The following RANBP17 variants were observed in gnomAD, a reference collection of about 807,000 sequenced individuals.
RANBP17 encodes ran-binding protein 17.
In RANBP17, 158 loss-of-function variants were observed where a neutral mutation model predicts 141.2. The ratio of observed to expected loss-of-function variants is 1.12; its 90% CI spans 0.98 to 1.28. RANBP17 has a LOEUF of 1.28. Among genes scored for constraint, RANBP17 ranks in the 50% most tolerant of loss-of-function variants. RANBP17 has a pLI of 0.00. For missense variants in RANBP17, 1,438 were observed against 1,290.7 expected (o/e 1.11, Z -1.75); for synonymous variants, 430 against 450.0 (o/e 0.96, Z 0.56).
intron 14 of RANBP17, among the ~76,000 whole-genome samples, chr5:170,990,155 T>C (rs1778408034): frequency 6.6e-6 from 1 of 151,838 alleles, no homozygotes; most frequent in Non-Finnish European, 1.5e-5. Flanking sequence ...TGAATAAAAA[T>C]TTAAAAATAT....
chr5:171,134,356 G>A (rs963641563), intron 14 of RANBP17, among the ~76,000 whole-genome samples: 5 of 152,046 alleles, frequency 3.3e-5, no homozygotes, highest in African/African-American at 1.2e-4. Flanking sequence ...TCTTTCAGAG[G>A]GATCAAATAT....
intron 14 of RANBP17, among the ~76,000 whole-genome samples, chr5:171,026,514 A>C (rs1378853699): frequency 6.6e-6 from 1 of 152,102 alleles, no homozygotes; most frequent in Non-Finnish European, 1.5e-5. Flanking sequence ...CATTCCTTTA[A>C]CAGAAGAGTT....
intron 22 of RANBP17, among the ~76,000 whole-genome samples, chr5:171,224,685 T>TG (rs946310097): frequency 1.3e-5 from 2 of 151,302 alleles, no homozygotes; most frequent in Non-Finnish European, 3.0e-5. Context: ...TGAAGTGGAG[T>TG]GGGGGAAGAG....
intron 14 of RANBP17, among the ~76,000 whole-genome samples, chr5:171,006,028 A>T (rs989709425): frequency 6.6e-6 from 1 of 152,162 alleles, no homozygotes; most frequent in African/African-American, 2.4e-5. Flanking sequence ...GAGAAATGCA[A>T]ATCAAAACCA....
chr5:170,978,909 G>C (rs575713606), intron 14 of RANBP17, among the ~76,000 whole-genome samples: 2 of 152,080 alleles, frequency 1.3e-5, no homozygotes, highest in Non-Finnish European at 2.9e-5. Context: ...TAAAAAAGTG[G>C]AAACTTGCCT....
At chr5:170,912,132 A>C (rs926411402) in intron 7 of RANBP17, among the ~76,000 whole-genome samples, 1 of 151,940 alleles carries the variant, frequency 6.6e-6, no homozygotes, top group Non-Finnish European at 1.5e-5. Flanking sequence ...TCTAATATGG[A>C]GATCAGAGAC....
intron 14 of RANBP17, among the ~76,000 whole-genome samples, chr5:171,022,484 C>T (rs1780935720): frequency 6.6e-6 from 1 of 152,224 alleles, no homozygotes; most frequent in Non-Finnish European, 1.5e-5. Flanking sequence ...CCCTGACCCT[C>T]TGGCTGGAGT....
At chr5:170,874,653 C>G (rs1581024272) in intron 1 of RANBP17, among the ~76,000 whole-genome samples, 2 of 148,384 alleles carry the variant, frequency 1.3e-5, no homozygotes, top group African/African-American at 4.9e-5. Context: ...TTAACCCCTG[C>G]TTTTTTTTTT....
intron 14 of RANBP17, among the ~76,000 whole-genome samples, chr5:170,972,255 C>CA (rs1777042661): frequency 6.9e-6 from 1 of 145,162 alleles, no homozygotes; most frequent in Non-Finnish European, 1.5e-5. Flanking sequence ...CATCTTGACT[C>CA]ACTGCAACCT....
chr5:170,976,377 A>C (rs1777382105), intron 14 of RANBP17, among the ~76,000 whole-genome samples: 1 of 152,218 alleles, frequency 6.6e-6, no homozygotes, highest in Non-Finnish European at 1.5e-5. Flanking sequence ...GTCATGGATT[A>C]CAAGACTTAA....
At chr5:171,239,756 T>C (rs756161120) in intron 22 of RANBP17, among the ~76,000 whole-genome samples, 5 of 152,196 alleles carry the variant, frequency 3.3e-5, no homozygotes, top group Non-Finnish European at 7.4e-5. Context: ...TCTGTAAGTG[T>C]GCTACCACCT....
chr5:170,977,062 A>G (rs1381781138), intron 14 of RANBP17, among the ~76,000 whole-genome samples: 1 of 152,112 alleles, frequency 6.6e-6, no homozygotes, highest in Non-Finnish European at 1.5e-5. Flanking sequence ...GCAACCTACA[A>G]AAATGGGAGA....
chr5:171,011,855 T>C (rs1321033476), intron 14 of RANBP17, among the ~76,000 whole-genome samples: 2 of 152,000 alleles, frequency 1.3e-5, no homozygotes, highest in Admixed American at 1.3e-4. Flanking sequence ...AAAAAATATC[T>C]GAACCGGACA....
chr5:171,016,606 C>T (rs865865237), intron 14 of RANBP17, among the ~76,000 whole-genome samples: 3 of 151,942 alleles, frequency 2.0e-5, no homozygotes, highest in Admixed American at 6.6e-5. Context: ...CATATGTATA[C>T]GTGTGCCATG....
At chr5:170,904,160 C>T (rs1247296998) in intron 5 of RANBP17, 1 of 328,274 alleles carries the variant, frequency 3.0e-6, no homozygotes, top group Non-Finnish European at 6.0e-6. Flanking sequence ...AATTTGTCTC[C>T]TGAAATCAAG....
intron 14 of RANBP17, among the ~76,000 whole-genome samples, chr5:171,055,855 A>G (rs1783312521): frequency 7.1e-6 from 1 of 140,794 alleles, no homozygotes; most frequent in Non-Finnish European, 1.5e-5. Flanking sequence ...CAAAACAACC[A>G]GTTTCTCCAG....
intron 13 of RANBP17, among the ~76,000 whole-genome samples, chr5:170,959,159 T>C (rs183299753): frequency 7.2e-4 from 110 of 152,344 alleles, no homozygotes; most frequent in African/African-American, 2.5e-3. Context: ...CCTGTGTCTC[T>C]CATTGCTCTC....
chr5:170,936,211 G>A (rs1773863470), intron 12 of RANBP17, among the ~76,000 whole-genome samples: 1 of 152,170 alleles, frequency 6.6e-6, no homozygotes, highest in African/African-American at 2.4e-5. Context: ...CCCTTTGCTA[G>A]GAAAGGGAAT....
chr5:171,251,501 C>T (rs550449448), intron 24 of RANBP17, among the ~76,000 whole-genome samples: 6 of 150,496 alleles, frequency 4.0e-5, no homozygotes, highest in Middle Eastern at 3.4e-3. Context: ...TTAAAGAACA[C>T]GCTCCCGGAT....
Sources: gnomAD v4.1 joint callset for allele counts (sites outside exome capture counted in the v4.1 genomes callset) on GRCh38, gnomAD v4.1.1 for gene constraint, MANE v1.5 for transcripts, NCBI Gene and HGNC (gene_info 2026-07-23, HGNC 2026-07-21) for gene names.